MORC1: variants seen among roughly 807,000 people sequenced by gnomAD.
The protein encoded by MORC1 is MORC family CW-type zinc finger protein 1.
Under a neutral mutation model 134.9 loss-of-function variants are expected in MORC1, and 59 were observed. The observed-to-expected ratio is 0.44, with a 90% CI of 0.35 to 0.54. The LOEUF (loss-of-function observed/expected upper bound fraction) is 0.54. Among genes scored for constraint, MORC1 ranks in the 20% least tolerant of loss-of-function variants. MORC1 has a pLI of 0.00. For missense variants in MORC1, 947 were observed against 1,134.5 expected (o/e 0.83, Z 2.37); for synonymous variants, 395 against 391.7 (o/e 1.01, Z -0.10).
At position 109,093,531 on chromosome 3, in the gene MORC1, C is replaced by G. The variant is rs778416877; in HGVS notation, c.594G>C (p.Leu198=). 11 of 1,610,808 alleles carry G rather than the reference C, an allele frequency of 6.8e-6. No individual in the cohort carries two copies. In the South Asian group the frequency reaches 1.2e-4, roughly 18 times the overall value. The stretch of plus-strand genomic sequence containing the variant: ...GCAGAAGCTTCAAGTTATAAATAAC[C>G]AGCAAAGTACCTGGTAGAAAAATAG... ...DVIYGKCGTL[L]VIYNLKLLLN... The change falls in exon 8 of 28, where the codon CTG becomes CTC. Residue 198 remains leucine (L), a synonymous_variant. Transcript: ENST00000232603.
At chr3:109,008,442 C>T (rs1016650453) in intron 17 of MORC1, among the ~76,000 whole-genome samples, 24 of 120,400 alleles carry the variant, frequency 2.0e-4, no homozygotes, top group African/African-American at 7.2e-4. Flanking sequence ...TTTGAGAGTG[C>T]AGAGTATATA....
chr3:109,044,283 A>G (rs558605214), intron 14 of MORC1, among the ~76,000 whole-genome samples: 48 of 152,248 alleles, frequency 3.2e-4, no homozygotes, highest in African/African-American at 1.1e-3. Context: ...CCTGGGGAAA[A>G]AAAAAAGGGA....
intron 21 of MORC1, among the ~76,000 whole-genome samples, chr3:108,996,286 G>GCGCACACACACACACA: frequency 1.2e-4 from 18 of 146,470 alleles, no homozygotes; most frequent in African/African-American, 4.3e-4. Context: ...GCGCGCGCGC[G>GCGCACACACACACACA]CACACACACA....
intron 21 of MORC1, among the ~76,000 whole-genome samples, chr3:108,999,728 C>T (rs751836349): frequency 1.1e-4 from 17 of 152,052 alleles, no homozygotes; most frequent in Admixed American, 1.0e-3. Flanking sequence ...GTTACTCTTA[C>T]GCGGGTTAAA....
chr3:109,032,642 T>C, intron 16 of MORC1, 78 bp downstream of exon 16: 1 of 982,338 alleles, frequency 1.0e-6, no homozygotes, highest in Non-Finnish European at 1.5e-6. Context: ...TATTATAGAT[T>C]GACATTTTCA....
chr3:109,066,477 G>C (rs1230448799), intron 9 of MORC1, among the ~76,000 whole-genome samples: 2 of 151,964 alleles, frequency 1.3e-5, no homozygotes, highest in Admixed American at 1.3e-4. Flanking sequence ...AGTAGAGATG[G>C]GGTTTCACCT....
chr3:108,992,863 A>G lies in MORC1; in HGVS notation c.2188-5914T>C, dbSNP rs16855136. Among the ~76,000 whole-genome samples the G allele has an allele frequency of 2.4e-3, 367 of 152,182 alleles. 2 individuals are homozygous for G. Among genetic ancestry groups the G allele is most frequent in the African/African-American group, 8.8e-3 (364 of 41,516 alleles). ...TCCACAAAGAAATTTTACTTTGTCA[A>G]TTTTCATTCTCCTAGCTCACCCAAT... On this transcript the variant is annotated intron_variant, in intron 21 of 27. Coordinates refer to ENST00000232603, the MANE Select transcript of MORC1 (RefSeq NM_014429.4).
chr3:108,982,342 A>G (rs2107453369), intron 23 of MORC1, among the ~76,000 whole-genome samples: 1 of 152,276 alleles, frequency 6.6e-6, no homozygotes, highest in South Asian at 2.1e-4. Flanking sequence ...AGACAGTGTG[A>G]CAATTCCTCA....
At position 109,043,187 on chromosome 3, in the gene MORC1, GT is replaced by G. The variant is rs1320139570; in HGVS notation, c.1331-7720del. Among the ~76,000 whole-genome samples, 122 of 27,776 alleles carry G rather than the reference GT, an allele frequency of 4.4e-3. 1 individual carries two copies. Among genetic ancestry groups the G allele is most frequent in the South Asian group, 6.7e-3 (3 of 450 alleles). 18.2% of individuals were successfully genotyped at this position (27,776 alleles called of 152,430 possible). A position where few individuals can be genotyped will look rare whatever the true frequency, so the allele number is the denominator to read the frequency against. On this transcript the variant is annotated intron_variant, in intron 14 of 27. Coordinates refer to ENST00000232603, the MANE Select transcript of MORC1 (RefSeq NM_014429.4). ...ATGGATAAGCAAAATGTGGCAAAAT[GT>G]GGGGGGGGGGGGGTGTGTATAACAG... is the stretch of plus-strand genomic sequence containing the variant.
chr3:109,068,811 A>C (rs1020492745), intron 9 of MORC1, among the ~76,000 whole-genome samples: 1 of 152,226 alleles, frequency 6.6e-6, no homozygotes. Flanking sequence ...GATGGCATGC[A>C]TGGTTGGAAA....
intron 21 of MORC1, among the ~76,000 whole-genome samples, chr3:108,998,214 T>A (rs975767333): frequency 2.0e-5 from 3 of 152,188 alleles, no homozygotes; most frequent in Admixed American, 2.0e-4. Flanking sequence ...ATAGCTTAAG[T>A]CAATATGTGC....
At chr3:109,117,721 TG>T (rs1374035103) in intron 1 of MORC1, among the ~76,000 whole-genome samples, 1 of 152,244 alleles carries the variant, frequency 6.6e-6, no homozygotes, top group African/African-American at 2.4e-5. Flanking sequence ...ATCACAGTTC[TG>T]CTGACCAACA....
chr3:109,075,684 C>T (rs1950406885), intron 8 of MORC1, among the ~76,000 whole-genome samples: 1 of 152,106 alleles, frequency 6.6e-6, no homozygotes, highest in Non-Finnish European at 1.5e-5. Context: ...CAGTACCATG[C>T]TGTTTTGGTT....
chr3:108,984,093 C>T (rs941719995), intron 23 of MORC1, among the ~76,000 whole-genome samples: 9 of 152,042 alleles, frequency 5.9e-5, no homozygotes, highest in African/African-American at 9.7e-5. Flanking sequence ...AGGAAAATAG[C>T]CCCTCTCTGT....
chr3:109,090,797 A>T (rs1222666451), intron 8 of MORC1, among the ~76,000 whole-genome samples: 2 of 152,096 alleles, frequency 1.3e-5, no homozygotes, highest in African/African-American at 2.4e-5. Context: ...ATCTAAGACC[A>T]AACCTGAAAA....
At chr3:109,076,309 T>C (rs1005158451) in intron 8 of MORC1, among the ~76,000 whole-genome samples, 1 of 151,994 alleles carries the variant, frequency 6.6e-6, no homozygotes, top group Non-Finnish European at 1.5e-5. Flanking sequence ...AGAATGGCAA[T>C]CATTAAAAAG....
At chr3:109,100,568 C>T in intron 4 of MORC1, 61 bp from the exon 5 acceptor site, 3 of 1,287,388 alleles carry the variant, frequency 2.3e-6, no homozygotes, top group East Asian at 2.3e-5. Context: ...GCCTGAGGCC[C>T]AGCTGTCAGG....
chr3:109,090,620 CAAAAAAA>C (rs34093019), intron 8 of MORC1, among the ~76,000 whole-genome samples: 2 of 54,696 alleles, frequency 3.7e-5, no homozygotes, highest in African/African-American at 1.3e-4. Flanking sequence ...AACTCCGTCT[CAAAAAAA>C]AAAAAAAAAA....
intron 8 of MORC1, among the ~76,000 whole-genome samples, chr3:109,088,834 G>T (rs1203293894): frequency 6.6e-6 from 1 of 152,124 alleles, no homozygotes; most frequent in South Asian, 2.1e-4. Flanking sequence ...ATAAATGACA[G>T]ATTGGATAAA....
Sources: gnomAD v4.1 joint callset for allele counts (sites outside exome capture counted in the v4.1 genomes callset) on GRCh38, gnomAD v4.1.1 for gene constraint, MANE v1.5 for transcripts, NCBI Gene and HGNC (gene_info 2026-07-23, HGNC 2026-07-21) for gene names.